Variants in DEUP1 observed in about 807,000 individuals in gnomAD.
The protein encoded by DEUP1 is coiled-coil domain containing 67.
A neutral mutation model predicts 87.4 loss-of-function variants in DEUP1; 82 were observed. That is an observed-to-expected ratio of 0.94 (90% CI 0.78 to 1.13). The LOEUF is 1.13. Among genes scored for constraint, DEUP1 ranks in the 50% most tolerant of loss-of-function variants. The probability of loss-of-function intolerance (pLI) is 0.00; values close to 1 mark genes in which losing one functional copy is unlikely to be tolerated. For missense variants in DEUP1, 663 were observed against 681.5 expected (o/e 0.97, Z 0.30); for synonymous variants, 214 against 222.7 (o/e 0.96, Z 0.35).
At chr11:93,373,175 C>T (rs1445396713) in intron 7 of DEUP1, among the ~76,000 whole-genome samples, 3 of 152,164 alleles carry the variant, frequency 2.0e-5, no homozygotes, top group Non-Finnish European at 1.5e-5. Context: ...GGCTTGGGGT[C>T]ATCCAGTGCC....
chr11:93,357,707 G>A (rs1221270246), intron 4 of DEUP1, among the ~76,000 whole-genome samples: 2 of 152,132 alleles, frequency 1.3e-5, no homozygotes, highest in South Asian at 2.1e-4. Context: ...GTTTGATTAT[G>A]AAATTTTACT....
At chr11:93,364,372 C>T (rs1945313312) in intron 5 of DEUP1, 78 bp downstream of exon 5, 1 of 1,275,598 alleles carries the variant, frequency 7.8e-7, no homozygotes, top group Non-Finnish European at 1.1e-6. Context: ...TCTCTAGTGT[C>T]CACAATGGTG....
At position 93,379,842 on chromosome 11, in the gene DEUP1, A is replaced by G. The variant is rs138139249; in HGVS notation, c.790-5556A>G. On this transcript the variant is annotated intron_variant, in intron 7 of 13. Transcript: ENST00000298050. ...TTTTTCTTATGGTATTTATATATTA[A>G]TGTACTTAATAATTTATTAATGTTC... Among the ~76,000 whole-genome samples the G allele has an allele frequency of 8.9e-3, 1,359 of 152,302 alleles. 19 individuals carry two copies. The highest frequency in any genetic ancestry group is 0.031 in the African/African-American group (1,290 of 41,560).
intron 13 of DEUP1, among the ~76,000 whole-genome samples, chr11:93,433,364 T>A (rs974256506): frequency 1.3e-5 from 2 of 152,044 alleles, no homozygotes; most frequent in Admixed American, 6.6e-5. Context: ...AAAACTTTTT[T>A]AAAAAAGAGC....
chr11:93,332,375 A>C (rs1943534689), intron 2 of DEUP1, 87 bp downstream of exon 2: 1 of 1,056,596 alleles, frequency 9.5e-7, no homozygotes. Flanking sequence ...GAAATTTACT[A>C]TTAATAGAAG....
intron 11 of DEUP1, among the ~76,000 whole-genome samples, chr11:93,407,005 C>A (rs1032131286): frequency 1.3e-5 from 2 of 152,020 alleles, no homozygotes; most frequent in South Asian, 4.1e-4. Context: ...TGTAGTAACA[C>A]AGGCTCCTTA....
In DEUP1 at chr11:93,411,650, G is replaced by A. The variant is rs114988178; in HGVS notation, c.1523+3223G>A. ...AAAAGTTAGAGTTTTGAAGTTTCAG[G>A]ATAATTTACAAGCTAATTTGGAGTA... On this transcript the variant is annotated intron_variant, in intron 12 of 13. Coordinates refer to ENST00000298050, the MANE Select transcript of DEUP1 (RefSeq NM_181645.4). Among the ~76,000 whole-genome samples, 666 of 152,248 alleles carry A rather than the reference G, an allele frequency of 4.4e-3. 3 individuals carry two copies. Among genetic ancestry groups the A allele is most frequent in the African/African-American group, 0.015 (631 of 41,544 alleles).
chr11:93,370,221 C>A, intron 6 of DEUP1, 35 bp downstream of exon 6: 1 of 1,107,520 alleles, frequency 9.0e-7, no homozygotes, highest in Non-Finnish European at 1.3e-6. Context: ...AAATCAAAAG[C>A]AGAAGTTAAA....
At chr11:93,342,603 T>A (rs970783698) in intron 2 of DEUP1, among the ~76,000 whole-genome samples, 1 of 152,220 alleles carries the variant, frequency 6.6e-6, no homozygotes, top group Non-Finnish European at 1.5e-5. Flanking sequence ...AGGACAGATT[T>A]TGTTACATGT....
intron 11 of DEUP1, among the ~76,000 whole-genome samples, chr11:93,407,951 T>C (rs914909439): frequency 1.3e-5 from 2 of 151,948 alleles, no homozygotes; most frequent in Non-Finnish European, 1.5e-5. Context: ...TTTTCTGTTT[T>C]GGGGCATGAG....
intron 11 of DEUP1, among the ~76,000 whole-genome samples, chr11:93,399,099 A>G (rs1947033534): frequency 6.6e-6 from 1 of 152,094 alleles, no homozygotes; most frequent in Non-Finnish European, 1.5e-5. Flanking sequence ...GCCATGCAAA[A>G]TGCTTTAAAC....
chr11:93,427,888 C>A (rs1947976281), intron 13 of DEUP1, among the ~76,000 whole-genome samples: 1 of 44,546 alleles, frequency 2.2e-5, no homozygotes, highest in Admixed American at 2.8e-4. Context: ...CTCATCATCA[C>A]TGCATCAGAG....
chr11:93,336,637 G>A (rs1943780626), intron 2 of DEUP1, among the ~76,000 whole-genome samples: 1 of 152,132 alleles, frequency 6.6e-6, no homozygotes, highest in Admixed American at 6.6e-5. Context: ...TTCCAGTACA[G>A]TGGTCCTGCC....
intron 13 of DEUP1, among the ~76,000 whole-genome samples, chr11:93,417,525 A>T (rs1216869756): frequency 6.6e-6 from 1 of 152,256 alleles, no homozygotes; most frequent in Non-Finnish European, 1.5e-5. Context: ...TCAATGAAAT[A>T]AAAGAGGATA....
chr11:93,398,694 T>C (rs1947015542), intron 11 of DEUP1, among the ~76,000 whole-genome samples: 1 of 151,974 alleles, frequency 6.6e-6, no homozygotes, highest in Non-Finnish European at 1.5e-5. Flanking sequence ...CATTTTTCTT[T>C]TGGCTTATTT....
At chr11:93,368,319 C>T (rs1471315148) in intron 5 of DEUP1, among the ~76,000 whole-genome samples, 1 of 152,230 alleles carries the variant, frequency 6.6e-6, no homozygotes, top group Admixed American at 6.5e-5. Context: ...TTTCACAGTT[C>T]TGGAGGCTGG....
chr11:93,359,761 A>AAAC (rs952464511), intron 4 of DEUP1, among the ~76,000 whole-genome samples: 1 of 152,236 alleles, frequency 6.6e-6, no homozygotes, highest in South Asian at 2.1e-4. Flanking sequence ...GAAAACAAAC[A>AAAC]AACAACAACA....
intron 9 of DEUP1, 120 bp from the exon 10 acceptor site, chr11:93,394,339 G>A (rs1946868419): frequency 1.6e-6 from 1 of 622,196 alleles, no homozygotes; most frequent in Non-Finnish European, 2.8e-6. Context: ...ATCAGAAAAG[G>A]AGGGTGAAGT....
At chr11:93,386,377 A>G (rs1418228128) in intron 8 of DEUP1, among the ~76,000 whole-genome samples, 1 of 152,178 alleles carries the variant, frequency 6.6e-6, no homozygotes, top group East Asian at 1.9e-4. Context: ...GGATTGTTAA[A>G]TGTTTGTGTG....
Sources: gnomAD v4.1 joint callset for allele counts (sites outside exome capture counted in the v4.1 genomes callset) on GRCh38, gnomAD v4.1.1 for gene constraint, MANE v1.5 for transcripts, NCBI Gene and HGNC (gene_info 2026-07-23, HGNC 2026-07-21) for gene names.